SORCS3: variants seen among roughly 807,000 people sequenced by gnomAD.
The protein encoded by SORCS3 is sortilin related VPS10 domain containing receptor 3, also known as VPS10 domain-containing receptor SorCS3.
Under a neutral mutation model 146.3 loss-of-function variants are expected in SORCS3, and 57 were observed. That is an observed-to-expected ratio of 0.39 (90% CI 0.31 to 0.49). SORCS3 has a LOEUF of 0.49. SORCS3 is among the 20% of genes least tolerant of loss of function. The pLI is 0.92. For synonymous variants in SORCS3, 653 were observed against 618.5 expected (o/e 1.06, Z -0.83); for missense variants, 1,341 against 1,575.5 (o/e 0.85, Z 2.52).
At chr10:104,701,040 A>C (rs1289605588) in intron 1 of SORCS3, among the ~76,000 whole-genome samples, 2 of 152,206 alleles carry the variant, frequency 1.3e-5, no homozygotes, top group East Asian at 1.9e-4. Context: ...ATTCGTGGAA[A>C]GTTTTCCATC....
At chr10:105,256,311 T>C (rs1191220268) in intron 24 of SORCS3, among the ~76,000 whole-genome samples, 1 of 152,254 alleles carries the variant, frequency 6.6e-6, no homozygotes, top group African/African-American at 2.4e-5. Context: ...GGGCATCTAC[T>C]TTGGGCTCTC....
intron 1 of SORCS3, among the ~76,000 whole-genome samples, chr10:104,803,968 C>T (rs1474093335): frequency 6.6e-6 from 1 of 152,164 alleles, no homozygotes; most frequent in Non-Finnish European, 1.5e-5. Flanking sequence ...CCTCTTTTAC[C>T]ACACAAGACT....
At chr10:104,792,172 A>G (rs1361636293) in intron 1 of SORCS3, among the ~76,000 whole-genome samples, 3 of 152,110 alleles carry the variant, frequency 2.0e-5, no homozygotes, top group Non-Finnish European at 4.4e-5. Context: ...AGAGAAACTC[A>G]TGTTTTTGGG....
chr10:104,861,199 G>A (rs183702230), intron 2 of SORCS3, among the ~76,000 whole-genome samples: 6 of 152,172 alleles, frequency 3.9e-5, no homozygotes, highest in Admixed American at 2.6e-4. Context: ...TGTACCTGTC[G>A]TACCTGTTAC....
Position 104,657,138 on chromosome 10 carries a change from T to C in SORCS3, c.627+15184T>C, listed in dbSNP as rs1158906370. Among the ~76,000 whole-genome samples, 35 of 152,100 alleles carry C rather than the reference T, an allele frequency of 2.3e-4. 1 individual carries two copies. The highest frequency in any genetic ancestry group is 2.3e-3 in the Admixed American group (35 of 15,278). Reference sequence around the variant, plus strand: ...TTTTTTTGTGCCTTTGGGGTGGCCATGAGAAAAACATAGCCTATTGGTCTC... The same window carrying C: ...TTTTTTTGTGCCTTTGGGGTGGCCACGAGAAAAACATAGCCTATTGGTCTC... On this transcript the variant is annotated intron_variant, in intron 1 of 26. Coordinates refer to ENST00000369701, the MANE Select transcript of SORCS3 (RefSeq NM_014978.3).
rs2016188127 is a variant in SORCS3 at position 104,696,277 on chromosome 10, G to GATATATATCATATACAC, written c.627+54329_627+54330insATCATATACACATATAT. ...TATGATATATATCATATACACATAT[G>GATATATATCATATACAC]ATATATGATATATATCATATACACA... On this transcript the variant is annotated intron_variant, in intron 1 of 26. Coordinates refer to ENST00000369701, the MANE Select transcript of SORCS3 (RefSeq NM_014978.3). 1.8e-4 allele frequency among the ~76,000 whole-genome samples: 5 copies of GATATATATCATATACAC among 27,224 alleles called. 1 individual carries two copies. Among genetic ancestry groups the GATATATATCATATACAC allele is most frequent in the African/African-American group, 8.8e-4 (5 of 5,694 alleles). 17.9% of individuals were successfully genotyped at this position (27,224 alleles called of 152,430 possible).
At chr10:104,947,989 C>T (rs149977169) in intron 3 of SORCS3, among the ~76,000 whole-genome samples, 680 of 152,326 alleles carry the variant, frequency 4.5e-3, no homozygotes, top group Non-Finnish European at 8.1e-3. Context: ...GATGCCAGCA[C>T]TATTTTTGTC....
intron 1 of SORCS3, among the ~76,000 whole-genome samples, chr10:104,811,091 A>G (rs2017735557): frequency 1.3e-5 from 2 of 152,236 alleles, no homozygotes; most frequent in South Asian, 2.1e-4. Context: ...GCACGTAATA[A>G]TTATAACACA....
chr10:104,857,980 A>T (rs1240050163), intron 2 of SORCS3, among the ~76,000 whole-genome samples: 1 of 152,162 alleles, frequency 6.6e-6, no homozygotes, highest in African/African-American at 2.4e-5. Context: ...ATTTACTTTG[A>T]AACTTTGATG....
chr10:104,955,949 G>T (rs1041003939), intron 3 of SORCS3, among the ~76,000 whole-genome samples: 2 of 152,164 alleles, frequency 1.3e-5, no homozygotes, highest in Non-Finnish European at 2.9e-5. Flanking sequence ...GGTCTACAAA[G>T]TACTACAGAG....
rs763545957 is a variant in SORCS3 at position 105,211,142 on chromosome 10, A to G, written c.2267A>G (p.Tyr756Cys). Reference sequence around the variant, plus strand: ...AATATTCATTTTCCTGACAGTGACTATGGGTATGAGAGACATGGGGAGAGC... The same window carrying G: ...AATATTCATTTTCCTGACAGTGACTGTGGGTATGAGAGACATGGGGAGAGC... ...VCANWDFECDYGYERHGESQC... is the reference protein window; with the variant it reads ...VCANWDFECDCGYERHGESQC... Residue 756 changes from tyrosine to cysteine, a missense_variant, in exon 17 of 27, where the codon TAT becomes TGT. Transcript: ENST00000369701. The G allele has an allele frequency of 1.2e-6, 2 of 1,612,164 alleles. No individual in the cohort carries two copies. The highest frequency in any genetic ancestry group is 8.5e-7 in the Non-Finnish European group (1 of 1,178,286).
At chr10:105,178,471 G>C (rs1172262272) in intron 14 of SORCS3, among the ~76,000 whole-genome samples, 2 of 152,120 alleles carry the variant, frequency 1.3e-5, no homozygotes, top group Admixed American at 6.6e-5. Context: ...TATGTCGTTA[G>C]ATGGTTTTTT....
chr10:104,837,661 A>G (rs1420619746), intron 1 of SORCS3, among the ~76,000 whole-genome samples: 1 of 152,204 alleles, frequency 6.6e-6, no homozygotes, highest in African/African-American at 2.4e-5. Context: ...AAAGAAAACA[A>G]AAGTTATCTT....
intron 1 of SORCS3, among the ~76,000 whole-genome samples, chr10:104,703,667 C>G (rs558938720): frequency 6.8e-6 from 1 of 147,678 alleles, no homozygotes; most frequent in East Asian, 2.0e-4. Context: ...CCATGTCACA[C>G]GTATACCTAT....
intron 3 of SORCS3, among the ~76,000 whole-genome samples, chr10:104,938,889 T>C (rs947700628): frequency 6.6e-6 from 1 of 152,182 alleles, no homozygotes; most frequent in African/African-American, 2.4e-5. Context: ...CAGCCACTTG[T>C]CAATGGTTCT....
At chr10:105,129,609 G>C (rs1006183156) in intron 7 of SORCS3, among the ~76,000 whole-genome samples, 2 of 151,154 alleles carry the variant, frequency 1.3e-5, no homozygotes, top group Non-Finnish European at 2.9e-5. Flanking sequence ...ATTCAAGTTC[G>C]TATCTGTCCT....
intron 2 of SORCS3, among the ~76,000 whole-genome samples, chr10:104,862,114 G>A (rs1387236742): frequency 6.6e-6 from 1 of 152,190 alleles, no homozygotes; most frequent in East Asian, 1.9e-4. Flanking sequence ...TCTTCAACAG[G>A]TGAATTTTGA....
intron 7 of SORCS3, among the ~76,000 whole-genome samples, chr10:105,135,250 G>A (rs1451266562): frequency 6.6e-6 from 1 of 152,138 alleles, no homozygotes; most frequent in African/African-American, 2.4e-5. Flanking sequence ...AGTCCATGCA[G>A]CTGCACCAGA....
At chr10:104,671,285 T>TA (rs2015849043) in intron 1 of SORCS3, among the ~76,000 whole-genome samples, 1 of 150,060 alleles carries the variant, frequency 6.7e-6, no homozygotes. Context: ...TGTTTTTTTT[T>TA]ATATGGCTCC....
Sources: gnomAD v4.1 joint callset for allele counts (sites outside exome capture counted in the v4.1 genomes callset) on GRCh38, gnomAD v4.1.1 for gene constraint, MANE v1.5 for transcripts, NCBI Gene and HGNC (gene_info 2026-07-23, HGNC 2026-07-21) for gene names.